PRIMPOL: variants seen among roughly 807,000 people sequenced by gnomAD.
The protein encoded by PRIMPOL is primase and DNA directed polymerase.
In PRIMPOL, 54 loss-of-function variants were observed where a neutral mutation model predicts 63.6. That is an observed-to-expected ratio of 0.85 (90% CI 0.68 to 1.07). PRIMPOL has a LOEUF of 1.07. Ranked by LOEUF, PRIMPOL falls within the 50% of genes least tolerant of loss-of-function variation. PRIMPOL has a pLI of 0.00. For missense variants in PRIMPOL, 610 were observed against 648.3 expected (o/e 0.94, Z 0.64); for synonymous variants, 197 against 220.2 (o/e 0.89, Z 0.93).
In PRIMPOL at chr4:184,671,969, C is replaced by T. The variant is rs571718915; in HGVS notation, c.557-204C>T. Among the ~76,000 whole-genome samples, 702 of 151,890 alleles carry T rather than the reference C, an allele frequency of 4.6e-3. 2 individuals carry two copies. Among genetic ancestry groups the T allele is most frequent in the East Asian group, 0.028 (144 of 5,158 alleles). ...GTTAACCAGGATGGTCTCGATCTCC[C>T]GACCTTGTGATCCGCCCGCCTCGGC... On this transcript the variant is annotated intron_variant, in intron 6 of 13. Coordinates refer to ENST00000314970, the MANE Select transcript of PRIMPOL (RefSeq NM_152683.4).
intron 2 of PRIMPOL, among the ~76,000 whole-genome samples, chr4:184,652,459 A>T (rs2150013696): frequency 6.6e-6 from 1 of 152,100 alleles, no homozygotes; most frequent in South Asian, 2.1e-4. Context: ...CTTAAAGAGG[A>T]TTTGGGGAAA....
chr4:184,686,526 G>A (rs551996845), intron 11 of PRIMPOL, among the ~76,000 whole-genome samples: 4 of 152,244 alleles, frequency 2.6e-5, no homozygotes, highest in South Asian at 2.1e-4. Context: ...TCTTTAAAAC[G>A]CCCATGGGAA....
intron 2 of PRIMPOL, among the ~76,000 whole-genome samples, chr4:184,655,318 C>T (rs1345917707): frequency 1.4e-5 from 2 of 147,598 alleles, no homozygotes; most frequent in Non-Finnish European, 3.0e-5. Context: ...TCTACCCTCT[C>T]GTAATCTTTT....
At chr4:184,668,898 C>G (rs1204598176) in intron 6 of PRIMPOL, among the ~76,000 whole-genome samples, 1 of 150,852 alleles carries the variant, frequency 6.6e-6, no homozygotes, top group Admixed American at 6.6e-5. Flanking sequence ...TTATTAATTA[C>G]TAATATTATT....
intron 3 of PRIMPOL, 45 bp downstream of exon 3, chr4:184,657,365 CTCT>C (rs142974362): frequency 7.3e-7 from 1 of 1,364,746 alleles, no homozygotes; most frequent in South Asian, 1.4e-5. Flanking sequence ...CTTCCACTTC[CTCT>C]TCTTTCTTCT....
At chr4:184,694,493 C>T (rs1760049750) in intron 13 of PRIMPOL, 29 bp from the exon 14 acceptor site, 4 of 1,597,896 alleles carry the variant, frequency 2.5e-6, no homozygotes, top group Non-Finnish European at 3.4e-6. Context: ...TCCTATCCCA[C>T]TCTCTATCCC....
At position 184,651,555 on chromosome 4, in the gene PRIMPOL, C is replaced by G. The variant is rs557700776; in HGVS notation, c.-137-468C>G. On this transcript the variant is annotated intron_variant, in intron 1 of 13. Coordinates refer to ENST00000314970, the MANE Select transcript of PRIMPOL (RefSeq NM_152683.4). ...ACTAGTCCTTATCCTATTGTGATGCCCAAACCCCTTCCTGTGCTAAACTTT... is the reference window on the plus strand; with the variant it reads ...ACTAGTCCTTATCCTATTGTGATGCGCAAACCCCTTCCTGTGCTAAACTTT... Among the ~76,000 whole-genome samples the G allele has an allele frequency of 9.8e-5, 15 of 152,292 alleles. No homozygotes were observed. In the East Asian group the frequency reaches 2.3e-3, roughly 24 times the overall value.
In PRIMPOL at chr4:184,694,787, A is replaced by C. The variant is rs768217639; in HGVS notation, c.*8A>C. On this transcript the variant is annotated 3_prime_UTR_variant, in exon 14 of 14. Coordinates refer to ENST00000314970, the MANE Select transcript of PRIMPOL (RefSeq NM_152683.4). ...GAAGTATTACAAGAGTAACTAATTC[A>C]CTATGAACACTTTTGTCACCAGGCT... 3.8e-6 allele frequency: 6 copies of C among 1,596,320 alleles called. No homozygotes were observed. The highest frequency in any genetic ancestry group is 5.1e-6 in the Non-Finnish European group (6 of 1,165,392).
chr4:184,681,453 T>C (rs1755598397), intron 8 of PRIMPOL, among the ~76,000 whole-genome samples: 1 of 152,224 alleles, frequency 6.6e-6, no homozygotes, highest in Non-Finnish European at 1.5e-5. Context: ...TATATAATAC[T>C]GTAAATCCTT....
rs752675484 is a variant in PRIMPOL at position 184,685,703 on chromosome 4, TTGTG to T, written c.1295+23_1295+26del. Reference sequence around the variant, plus strand: ...ATATAATGTAAGTAATATTAATGATTTGTGTGTATTTAACCAATATTATATTTTA... The same window carrying T: ...ATATAATGTAAGTAATATTAATGATTTGTATTTAACCAATATTATATTTTA... On this transcript the variant is annotated intron_variant, in intron 11 of 13. Coordinates refer to ENST00000314970, the MANE Select transcript of PRIMPOL (RefSeq NM_152683.4). The T allele has an allele frequency of 2.7e-6, 3 of 1,095,122 alleles. No homozygotes were observed. In the South Asian group the frequency reaches 4.4e-5, roughly 16 times the overall value. 67.8% of individuals were successfully genotyped at this position (1,095,122 alleles called of 1,614,324 possible). A position where few individuals can be genotyped will look rare whatever the true frequency, so the allele number is the denominator to read the frequency against.
chr4:184,658,205 T>C (rs1239662303), intron 3 of PRIMPOL, among the ~76,000 whole-genome samples: 2 of 152,076 alleles, frequency 1.3e-5, no homozygotes, highest in African/African-American at 4.8e-5. Context: ...CTGGAAGTTT[T>C]AGAAGGACCT....
In PRIMPOL at chr4:184,685,447, G is replaced by A. The variant is rs770147490; in HGVS notation, c.1135G>A (p.Glu379Lys). The change falls in exon 10 of 14, where the codon GAA (glutamate) becomes AAA (lysine). Residue 379 changes from glutamate (E) to lysine (K), a missense_variant. This residue lies in a region of PRIMPOL where 444 missense variants were observed against 456.4 expected (regional missense o/e 0.97). Coordinates refer to ENST00000314970, the MANE Select transcript of PRIMPOL (RefSeq NM_152683.4). ...IEGFQCSPYP[E>K]VDHFVLSLVN... The stretch of plus-strand genomic sequence containing the variant: ...AGGTTTTCAGTGTTCTCCCTATCCT[G>A]AAGTTGATCATTTTGTTCTTTCTTT... The A allele has an allele frequency of 6.2e-7, 1 of 1,613,214 alleles. No homozygotes were observed. The highest frequency in any genetic ancestry group is 8.5e-7 in the Non-Finnish European group (1 of 1,179,214).
rs1748437593 is a variant in PRIMPOL, at chr4:184,661,902, A to C, written c.407A>C (p.Glu136Ala). The C allele has an allele frequency of 6.2e-7, 1 of 1,606,782 alleles. No individual in the cohort carries two copies. Among genetic ancestry groups the C allele is most frequent in the Non-Finnish European group, 8.5e-7 (1 of 1,177,588 alleles). ...AAAAAGATGGTTGCATTACTCATTG[A>C]GGTAAATGGCCAACTCAAGTTTTTC... Reference protein sequence around the residue: ...DGKKMVALLIEYVCKALQELY... With the variant: ...DGKKMVALLIAYVCKALQELY... Residue 136 changes from glutamate (E) to alanine (A), a missense_variant and splice_region_variant, in exon 5 of 14, where the codon GAG becomes GCG. By Grantham distance (107) the Glu-to-Ala change is moderately radical. This residue lies in a region of PRIMPOL where 159 missense variants were observed against 168.9 expected (regional missense o/e 0.94). Transcript: ENST00000314970.
At chr4:184,687,370 C>T (rs1329684290) in intron 11 of PRIMPOL, among the ~76,000 whole-genome samples, 2 of 151,934 alleles carry the variant, frequency 1.3e-5, no homozygotes, top group Non-Finnish European at 2.9e-5. Flanking sequence ...CGCACCCAGC[C>T]GATAACACAC....
chr4:184,654,499 A>G (rs1025625536), intron 2 of PRIMPOL, among the ~76,000 whole-genome samples: 1 of 121,728 alleles, frequency 8.2e-6, no homozygotes, highest in Non-Finnish European at 1.6e-5. Context: ...TGCCCAGGCT[A>G]GAGTGCAGTG....
intron 8 of PRIMPOL, among the ~76,000 whole-genome samples, chr4:184,680,336 T>TGCC (rs1455758797): frequency 6.6e-6 from 1 of 152,146 alleles, no homozygotes; most frequent in African/African-American, 2.4e-5. Context: ...TACAGGTGTG[T>TGCC]GCCACCACAC....
At position 184,666,320 on chromosome 4, in the gene PRIMPOL, G is replaced by C. The variant is rs182816118; in HGVS notation, c.556+256G>C. ...AAAACCCTGTCTCTACTAATTAGCCGGGCATGGTGGTGCATGCCTGTAGTC... is the reference window on the plus strand; with the variant it reads ...AAAACCCTGTCTCTACTAATTAGCCCGGCATGGTGGTGCATGCCTGTAGTC... On this transcript the variant is annotated intron_variant, in intron 6 of 13. Transcript: ENST00000314970. Among the ~76,000 whole-genome samples, 14 of 152,190 alleles carry C rather than the reference G, an allele frequency of 9.2e-5. No individual in the cohort carries two copies. In the East Asian group the frequency reaches 2.5e-3, roughly 27 times the overall value.
chr4:184,682,794 A>G (rs559065149), intron 9 of PRIMPOL, among the ~76,000 whole-genome samples: 5 of 152,336 alleles, frequency 3.3e-5, no homozygotes, highest in African/African-American at 1.2e-4. Flanking sequence ...TCACACCTGT[A>G]ATTCCAGCAC....
At chr4:184,654,104 C>T (rs964182029) in intron 2 of PRIMPOL, among the ~76,000 whole-genome samples, 2 of 152,188 alleles carry the variant, frequency 1.3e-5, no homozygotes, top group African/African-American at 4.8e-5. Flanking sequence ...CATGATGTTC[C>T]TGTATGACAT....
Sources: gnomAD v4.1 joint callset for allele counts (sites outside exome capture counted in the v4.1 genomes callset) on GRCh38, gnomAD v4.1.1 for gene constraint, gnomAD v4.1.1 regional missense constraint, MANE v1.5 for transcripts, NCBI Gene and HGNC (gene_info 2026-07-23, HGNC 2026-07-21) for gene names.